RALYL: variants seen among roughly 807,000 people sequenced by gnomAD.
RALYL encodes RALY RNA binding protein like, also known as RNA-binding Raly-like protein.
In RALYL, 29 loss-of-function variants were observed where a neutral mutation model predicts 35.1. The observed-to-expected ratio is 0.83, with a 90% CI of 0.61 to 1.13. The LOEUF is 1.13. Ranked by LOEUF, RALYL falls within the 50% of genes most tolerant of loss-of-function variation. The pLI is 0.00. For missense variants in RALYL, 359 were observed against 360.4 expected, an observed-to-expected ratio of 1.00 and a Z score of 0.03; for synonymous variants, 120 against 127.6, an observed-to-expected ratio of 0.94 and a Z score of 0.40.
At chr8:84,879,302 T>C (rs1841768519) in intron 7 of RALYL, among the ~76,000 whole-genome samples, 1 of 152,048 alleles carries the variant, frequency 6.6e-6, no homozygotes, top group African/African-American at 2.4e-5. Context: ...GAGAAGCACA[T>C]AGAGAACGAA....
At chr8:84,241,559 C>T (rs1014451404) in intron 1 of RALYL, among the ~76,000 whole-genome samples, 8 of 151,742 alleles carry the variant, frequency 5.3e-5, no homozygotes, top group South Asian at 4.2e-4. Context: ...AGGCAGATCA[C>T]GAGGTCAAGA....
At chr8:84,314,118 C>T (rs898139511) in intron 1 of RALYL, among the ~76,000 whole-genome samples, 6 of 152,028 alleles carry the variant, frequency 3.9e-5, no homozygotes, top group South Asian at 2.1e-4. Context: ...GGAGAGAGAG[C>T]GCAAGTGCAG....
intron 1 of RALYL, among the ~76,000 whole-genome samples, chr8:84,189,778 A>G (rs1813413272): frequency 6.6e-6 from 1 of 150,436 alleles, no homozygotes; most frequent in Admixed American, 6.6e-5. Flanking sequence ...TTTATTCTTG[A>G]TACATTACTT....
chr8:84,608,923 T>C (rs923305708), intron 2 of RALYL, among the ~76,000 whole-genome samples: 4 of 152,066 alleles, frequency 2.6e-5, no homozygotes, highest in Non-Finnish European at 5.9e-5. Flanking sequence ...GAGTGTAACA[T>C]CTAATAGGCT....
At chr8:84,586,770 A>T (rs547256604) in intron 2 of RALYL, among the ~76,000 whole-genome samples, 3 of 151,326 alleles carry the variant, frequency 2.0e-5, no homozygotes, top group East Asian at 3.9e-4. Flanking sequence ...TTATTAAATT[A>T]AAAAAAAAGT....
intron 7 of RALYL, among the ~76,000 whole-genome samples, chr8:84,874,386 A>G (rs1441354986): frequency 1.3e-5 from 2 of 152,212 alleles, no homozygotes; most frequent in Non-Finnish European, 2.9e-5. Context: ...CTAGACCTGT[A>G]TATCTAATTA....
At chr8:84,352,268 G>A (rs1463189261) in intron 1 of RALYL, among the ~76,000 whole-genome samples, 2 of 150,058 alleles carry the variant, frequency 1.3e-5, no homozygotes, top group African/African-American at 5.0e-5. Context: ...TAGTTCTCCA[G>A]TTATACTCTT....
At chr8:84,666,831 T>G (rs1190166999) in intron 2 of RALYL, among the ~76,000 whole-genome samples, 5 of 151,954 alleles carry the variant, frequency 3.3e-5, no homozygotes, top group Non-Finnish European at 5.9e-5. Flanking sequence ...GTGCTTGGAG[T>G]TTATTCATGT....
chr8:84,285,377 A>C, intron 1 of RALYL, among the ~76,000 whole-genome samples: 1 of 152,338 alleles, frequency 6.6e-6, no homozygotes, highest in Middle Eastern at 3.4e-3. Flanking sequence ...AGTAATATAT[A>C]GAGGGCTAAT....
chr8:84,293,286 T>G (rs146747242), intron 1 of RALYL, among the ~76,000 whole-genome samples: 1 of 152,274 alleles, frequency 6.6e-6, no homozygotes, highest in African/African-American at 2.4e-5. Context: ...AACGTTCATA[T>G]GACTACAATG....
At chr8:84,500,882 G>A (rs1313532891) in intron 1 of RALYL, among the ~76,000 whole-genome samples, 1 of 152,072 alleles carries the variant, frequency 6.6e-6, no homozygotes, top group Non-Finnish European at 1.5e-5. Context: ...AATTAATTTT[G>A]TTGACAGGAT....
At chr8:84,522,289 G>A (rs112599744) in intron 1 of RALYL, among the ~76,000 whole-genome samples, 14,377 of 141,010 alleles carry the variant, frequency 0.1, 995 homozygotes, top group Admixed American at 0.22. Context: ...TCGCTCTGTC[G>A]CCCAGGCTGG....
At chr8:84,655,567 G>C (rs1281052280) in intron 2 of RALYL, among the ~76,000 whole-genome samples, 1 of 152,110 alleles carries the variant, frequency 6.6e-6, no homozygotes, top group Non-Finnish European at 1.5e-5. Context: ...GACCTCAAGT[G>C]ATCCACCAGC....
chr8:84,536,924 T>C (rs1407231218), intron 2 of RALYL, among the ~76,000 whole-genome samples: 6 of 152,108 alleles, frequency 3.9e-5, no homozygotes, highest in Non-Finnish European at 8.8e-5. Context: ...TTAACAACCT[T>C]TGAAACTATT....
chr8:84,833,712 A>G (rs1831390780), intron 4 of RALYL, among the ~76,000 whole-genome samples: 1 of 151,964 alleles, frequency 6.6e-6, no homozygotes, highest in Non-Finnish European at 1.5e-5. Context: ...CAATTGACAA[A>G]AACACTCAAG....
intron 2 of RALYL, among the ~76,000 whole-genome samples, chr8:84,608,846 G>A (rs1817702150): frequency 6.6e-6 from 1 of 152,144 alleles, no homozygotes; most frequent in African/African-American, 2.4e-5. Flanking sequence ...CATATCTGCA[G>A]TTGAGCAGGC....
intron 2 of RALYL, among the ~76,000 whole-genome samples, chr8:84,703,417 CTGTT>C (rs1286717631): frequency 6.6e-6 from 1 of 152,040 alleles, no homozygotes; most frequent in African/African-American, 2.4e-5. Flanking sequence ...ACAAGTCTGG[CTGTT>C]TGTTTTAGTG....
At chr8:84,381,548 CT>C (rs1857997124) in intron 1 of RALYL, among the ~76,000 whole-genome samples, 1 of 151,720 alleles carries the variant, frequency 6.6e-6, no homozygotes, top group Non-Finnish European at 1.5e-5. Context: ...TACAAATGGG[CT>C]TATGTTCCCT....
chr8:84,701,750 T>C (rs1390127459), intron 2 of RALYL, among the ~76,000 whole-genome samples: 2 of 152,098 alleles, frequency 1.3e-5, no homozygotes, highest in African/African-American at 4.8e-5. Flanking sequence ...GGCTCCAAAC[T>C]TGAATGTCCC....
Sources: allele counts gnomAD v4.1 joint callset (sites outside exome capture counted in the v4.1 genomes callset), GRCh38; gene constraint gnomAD v4.1.1; transcripts MANE v1.5; gene names NCBI Gene and HGNC (gene_info 2026-07-23, HGNC 2026-07-21).